Variants in SLC47A1 observed in about 807,000 individuals in gnomAD.
SLC47A1 encodes the protein solute carrier family 47 member 1, also known as multidrug and toxin extrusion protein 1.
A neutral mutation model predicts 65.8 loss-of-function variants in SLC47A1; 58 were observed. The observed-to-expected ratio is 0.88, with a 90% CI of 0.71 to 1.10. The LOEUF (loss-of-function observed/expected upper bound fraction) is 1.10, where lower values mean the gene tolerates loss of function less well. Among genes scored for constraint, SLC47A1 ranks in the 50% least tolerant of loss-of-function variants. The pLI is 0.00. For missense variants in SLC47A1, 706 were observed against 719.2 expected (o/e 0.98, Z 0.21); for synonymous variants, 285 against 295.0 (o/e 0.97, Z 0.35).
intron 6 of SLC47A1, among the ~76,000 whole-genome samples, chr17:19,553,218 C>T (rs1286429787): frequency 6.6e-6 from 1 of 151,904 alleles, no homozygotes; most frequent in Non-Finnish European, 1.5e-5. Context: ...CAGATGGTAT[C>T]GGGGGAAGGG....
At chr17:19,542,362 C>G in intron 1 of SLC47A1, 31 bp from the exon 2 acceptor site, 1 of 1,553,006 alleles carries the variant, frequency 6.4e-7, no homozygotes. Context: ...GGTGGTCACT[C>G]ACGTCCCTTC....
At chr17:19,569,308 G>A (rs2084382496) in intron 14 of SLC47A1, among the ~76,000 whole-genome samples, 1 of 151,920 alleles carries the variant, frequency 6.6e-6, no homozygotes, top group East Asian at 1.9e-4. Context: ...GGAGGCGGAG[G>A]CTGCAGTGAG....
chr17:19,567,057 C>G, intron 13 of SLC47A1, 39 bp from the exon 14 acceptor site: 1 of 1,613,734 alleles, frequency 6.2e-7, no homozygotes, highest in Middle Eastern at 1.7e-4. Flanking sequence ...TCAAGAGCGC[C>G]GGATGTGTTC....
At chr17:19,563,444 T>A (rs972679994) in intron 12 of SLC47A1, among the ~76,000 whole-genome samples, 1 of 151,858 alleles carries the variant, frequency 6.6e-6, no homozygotes, top group Non-Finnish European at 1.5e-5. Context: ...GAAAGCTATT[T>A]TAAAATGTCA....
At chr17:19,539,767 G>A (rs1262280502) in intron 1 of SLC47A1, among the ~76,000 whole-genome samples, 3 of 152,120 alleles carry the variant, frequency 2.0e-5, no homozygotes, top group African/African-American at 4.8e-5. Context: ...ATTACAAGGC[G>A]TGAGCCACTG....
chr17:19,542,739 G>A (rs1302389316), intron 2 of SLC47A1, among the ~76,000 whole-genome samples: 1 of 151,714 alleles, frequency 6.6e-6, no homozygotes, highest in Non-Finnish European at 1.5e-5. Flanking sequence ...ACATCTGGGG[G>A]GGCATTATCC....
intron 16 of SLC47A1, among the ~76,000 whole-genome samples, chr17:19,575,083 TTTTCTCTC>T (rs201609811): frequency 0.012 from 1,544 of 125,974 alleles, 26 homozygotes; most frequent in African/African-American, 0.035. Context: ...CTCCCTCCCT[TTTTCTCTC>T]TTTCTCTCTT....
At chr17:19,562,915 G>A (rs1026103158) in intron 12 of SLC47A1, among the ~76,000 whole-genome samples, 7 of 151,940 alleles carry the variant, frequency 4.6e-5, no homozygotes, top group African/African-American at 1.2e-4. Flanking sequence ...CACAGGGGGC[G>A]GGAAACGGCA....
chr17:19,561,755 A>G (rs1180572385), intron 12 of SLC47A1, among the ~76,000 whole-genome samples: 1 of 152,196 alleles, frequency 6.6e-6, no homozygotes, highest in Non-Finnish European at 1.5e-5. Flanking sequence ...GGCATTGGTA[A>G]TGATTTTATG....
chr17:19,575,356 ATT>A (rs1015434159), intron 16 of SLC47A1, among the ~76,000 whole-genome samples: 1 of 146,326 alleles, frequency 6.8e-6, no homozygotes, highest in Non-Finnish European at 1.5e-5. Flanking sequence ...ATATGCCTTC[ATT>A]TTTCTCTTCG....
At chr17:19,534,254 C>T (rs952396474) in intron 1 of SLC47A1, 180 bp downstream of exon 1, 11 of 737,078 alleles carry the variant, frequency 1.5e-5, no homozygotes, top group Non-Finnish European at 2.2e-5. Flanking sequence ...GCGTCCCGGC[C>T]GCTTTCCGCT....
At position 19,555,844 on chromosome 17, in the gene SLC47A1, C is replaced by T. The variant is rs941109226; in HGVS notation, c.788C>T (p.Ala263Val). ...LQDWASFLRL[A>V]IPSMLMLCME... ...GACTGGGCCTCCTTCCTCCGCCTGG[C>T]CATCCCCAGCATGCTCATGCTGTGC... Residue 263 changes from alanine to valine, a missense_variant, in exon 9 of 17, where the codon GCC becomes GTC. Transcript: ENST00000270570. The T allele has an allele frequency of 6.2e-7, 1 of 1,613,770 alleles. No individual in the cohort carries two copies. Among genetic ancestry groups the T allele is most frequent in the Non-Finnish European group, 8.5e-7 (1 of 1,180,028 alleles).
chr17:19,541,999 C>T (rs774083323), intron 1 of SLC47A1, among the ~76,000 whole-genome samples: 17 of 152,174 alleles, frequency 1.1e-4, no homozygotes, highest in Non-Finnish European at 1.9e-4. Flanking sequence ...GTGGCGCCTG[C>T]CTGTAATCTC....
chr17:19,541,718 C>G (rs1325618284), intron 1 of SLC47A1, among the ~76,000 whole-genome samples: 4 of 152,176 alleles, frequency 2.6e-5, no homozygotes, highest in Non-Finnish European at 4.4e-5. Flanking sequence ...AGGCTGTATT[C>G]TCTCCAGTCC....
chr17:19,565,575 A>ATT (rs2084349257), intron 12 of SLC47A1, among the ~76,000 whole-genome samples: 1 of 137,734 alleles, frequency 7.3e-6, no homozygotes, highest in South Asian at 2.4e-4. Flanking sequence ...TGGTCTGAAA[A>ATT]TCTTTTTTTT....
chr17:19,556,941 C>A (rs1280647006), intron 10 of SLC47A1, among the ~76,000 whole-genome samples: 1 of 152,166 alleles, frequency 6.6e-6, no homozygotes, highest in Non-Finnish European at 1.5e-5. Flanking sequence ...GAAATGGGTT[C>A]TATGCATACA....
rs374206330 is a variant in SLC47A1 at position 19,558,426 on chromosome 17, G to A, written c.922-1762G>A. 1.4e-4 allele frequency among the ~76,000 whole-genome samples: 21 copies of A among 152,064 alleles called. No individual in the cohort carries two copies. The East Asian group carries it at 3.7e-3, about 27-fold the overall frequency. ...ATGATGTTGATCTGTCTCAGTGTTG[G>A]TGATACTACTTTTTACTTGTTGGTG... On this transcript the variant is annotated intron_variant, in intron 10 of 16. Coordinates refer to ENST00000270570, the MANE Select transcript of SLC47A1 (RefSeq NM_018242.3).
chr17:19,562,364 A>G (rs1386710654), intron 12 of SLC47A1, among the ~76,000 whole-genome samples: 1 of 152,014 alleles, frequency 6.6e-6, no homozygotes, highest in East Asian at 1.9e-4. Flanking sequence ...GGAGTTCAAG[A>G]CCAGCTGGTC....
At position 19,572,817 on chromosome 17, in the gene SLC47A1, C is replaced by T. The variant is rs1368846746; in HGVS notation, c.1442C>T (p.Pro481Leu). The T allele has an allele frequency of 6.8e-6, 11 of 1,614,020 alleles. No individual in the cohort carries two copies. In the Admixed American group the frequency reaches 1.5e-4, roughly 22 times the overall value. ...VHANLKVNNV[P>L]RSGNSALPQD... is the part of the protein sequence containing the mutation. ...GCCAATTTGAAAGTAAACAACGTGCCTCGGAGTGGGAATTCTGCTCTCCCT... is the reference window on the plus strand; with the variant it reads ...GCCAATTTGAAAGTAAACAACGTGCTTCGGAGTGGGAATTCTGCTCTCCCT... Residue 481 changes from proline (P) to leucine (L), a missense_variant, in exon 16 of 17, where the codon CCT (proline) becomes CTT (leucine). By Grantham distance (98) the Pro-to-Leu change is moderately conservative. Coordinates refer to ENST00000270570, the MANE Select transcript of SLC47A1 (RefSeq NM_018242.3).
Sources: allele counts gnomAD v4.1 joint callset (sites outside exome capture counted in the v4.1 genomes callset), GRCh38; gene constraint gnomAD v4.1.1; transcripts MANE v1.5; gene names NCBI Gene and HGNC (gene_info 2026-07-23, HGNC 2026-07-21).